The following FRMD3 variants were observed in gnomAD, a reference collection of about 807,000 sequenced individuals.
The protein encoded by FRMD3 is FERM domain-containing protein 3.
In FRMD3, 33 loss-of-function variants were observed where a neutral mutation model predicts 70.2. The observed-to-expected ratio is 0.47, with a 90% CI of 0.36 to 0.63. The LOEUF is 0.63. FRMD3 is among the 20% of genes least tolerant of loss of function. The pLI, the probability that FRMD3 is intolerant of heterozygous loss-of-function variation, is 0.00. For synonymous variants in FRMD3, 279 were observed against 255.9 expected (o/e 1.09, Z -0.86); for missense variants, 632 against 711.4 (o/e 0.89, Z 1.27).
chr9:83,273,119 C>T (rs1422315754), intron 13 of FRMD3, among the ~76,000 whole-genome samples: 1 of 152,178 alleles, frequency 6.6e-6, no homozygotes, highest in Non-Finnish European at 1.5e-5. Context: ...GCTGCCACCC[C>T]ATCTGGGAGG....
chr9:83,308,946 C>T (rs1239763896), intron 10 of FRMD3, among the ~76,000 whole-genome samples: 1 of 152,154 alleles, frequency 6.6e-6, no homozygotes, highest in African/African-American at 2.4e-5. Flanking sequence ...AAATAAATGG[C>T]GAATTGGTAG....
At chr9:83,452,343 C>T (rs1015771991) in intron 1 of FRMD3, among the ~76,000 whole-genome samples, 6 of 152,080 alleles carry the variant, frequency 3.9e-5, no homozygotes, top group Non-Finnish European at 5.9e-5. Context: ...TCCCTCAAAC[C>T]TTGTTACAAC....
At chr9:83,278,644 G>A (rs1833869115) in intron 13 of FRMD3, among the ~76,000 whole-genome samples, 1 of 152,162 alleles carries the variant, frequency 6.6e-6, no homozygotes, top group African/African-American at 2.4e-5. Context: ...ATGGCCCCAG[G>A]GGACATAAGA....
At chr9:83,470,157 G>A (rs1828234004) in intron 1 of FRMD3, among the ~76,000 whole-genome samples, 1 of 152,116 alleles carries the variant, frequency 6.6e-6, no homozygotes, top group African/African-American at 2.4e-5. Flanking sequence ...GAACACCTAA[G>A]CACCACAGCC....
At chr9:83,481,602 C>G (rs542337297) in intron 1 of FRMD3, among the ~76,000 whole-genome samples, 1 of 152,236 alleles carries the variant, frequency 6.6e-6, no homozygotes, top group South Asian at 2.1e-4. Flanking sequence ...TTTAAATTTT[C>G]TAAATGGTAC....
At chr9:83,299,484 G>C (rs914090694) in intron 10 of FRMD3, among the ~76,000 whole-genome samples, 11 of 152,140 alleles carry the variant, frequency 7.2e-5, no homozygotes, top group African/African-American at 2.4e-4. Flanking sequence ...AAAAGGACTG[G>C]GCAGTGATGA....
chr9:83,362,796 C>T (rs1392454668), intron 3 of FRMD3, among the ~76,000 whole-genome samples: 2 of 133,148 alleles, frequency 1.5e-5, no homozygotes, highest in African/African-American at 3.2e-5. Flanking sequence ...TCCCTCCTTC[C>T]TTCCTTTTTC....
At chr9:83,585,766 T>G in the FRMD3 span, among the ~76,000 whole-genome samples, 1 of 152,232 alleles carries the variant, frequency 6.6e-6, no homozygotes, top group East Asian at 1.9e-4. Context: ...CTATTGTTAT[T>G]TTTTGGTTTT....
At chr9:83,304,755 AGT>A in intron 10 of FRMD3, among the ~76,000 whole-genome samples, 1 of 152,350 alleles carries the variant, frequency 6.6e-6, no homozygotes, top group African/African-American at 2.4e-5. Context: ...CAATGCGTCC[AGT>A]GTGCTTTCAG....
intron 1 of FRMD3, among the ~76,000 whole-genome samples, chr9:83,391,084 T>A (rs1022356845): frequency 5.9e-5 from 9 of 152,128 alleles, no homozygotes; most frequent in African/African-American, 1.9e-4. Flanking sequence ...CTGCACTGAG[T>A]GAAGGACGGG....
chr9:83,541,114 T>C, upstream of FRMD3, among the ~76,000 whole-genome samples: 1 of 152,190 alleles, frequency 6.6e-6, no homozygotes, highest in East Asian at 1.9e-4. Flanking sequence ...GCAGTTACCT[T>C]GGAAAGGGAA....
At chr9:83,309,127 T>C (rs1319491858) in intron 10 of FRMD3, among the ~76,000 whole-genome samples, 1 of 152,108 alleles carries the variant, frequency 6.6e-6, no homozygotes, top group African/African-American at 2.4e-5. Flanking sequence ...CCCCTACTGG[T>C]ATGTCCATTG....
chr9:83,549,623 CTT>C, the FRMD3 span, among the ~76,000 whole-genome samples: 233 of 152,214 alleles, frequency 1.5e-3, no homozygotes, highest in Non-Finnish European at 2.7e-3. Context: ...TATTTTTTGA[CTT>C]TTTAATAATA....
At chr9:83,581,630 A>C in the FRMD3 span, among the ~76,000 whole-genome samples, 1 of 152,180 alleles carries the variant, frequency 6.6e-6, no homozygotes, top group Non-Finnish European at 1.5e-5. Context: ...CAAAAGCAAA[A>C]ATGTATGTCC....
intron 6 of FRMD3, among the ~76,000 whole-genome samples, chr9:83,320,358 A>T (rs778893184): frequency 2.6e-5 from 4 of 152,170 alleles, no homozygotes; most frequent in Non-Finnish European, 4.4e-5. Flanking sequence ...GGATTTTCTC[A>T]TGAAGAGATG....
chr9:83,452,750 A>G lies in FRMD3; in HGVS notation c.148-63042T>C, dbSNP rs1366258204. The stretch of plus-strand genomic sequence containing the variant: ...GCCCGTCTCGGCCTCCCAAAGTGCT[A>G]GGATTACAGGCGTGAGCCACCACGC... On this transcript the variant is annotated intron_variant, in intron 1 of 13. Coordinates refer to ENST00000304195, the MANE Select transcript of FRMD3 (RefSeq NM_174938.6). Among the ~76,000 whole-genome samples, 4 of 151,224 alleles carry G rather than the reference A, an allele frequency of 2.6e-5. 1 individual carries two copies. The highest frequency in any genetic ancestry group is 4.2e-4 in the South Asian group (2 of 4,780).
At chr9:83,341,855 A>G (rs1489240265) in intron 5 of FRMD3, among the ~76,000 whole-genome samples, 1 of 152,130 alleles carries the variant, frequency 6.6e-6, no homozygotes, top group Admixed American at 6.5e-5. Context: ...CAAAGGAACT[A>G]TTTCACAGCA....
At chr9:83,416,492 A>C (rs1424114128) in intron 1 of FRMD3, among the ~76,000 whole-genome samples, 1 of 152,234 alleles carries the variant, frequency 6.6e-6, no homozygotes, top group Non-Finnish European at 1.5e-5. Flanking sequence ...CCACTAGAAC[A>C]AAGACTCATG....
intron 13 of FRMD3, among the ~76,000 whole-genome samples, chr9:83,268,296 A>C (rs553278935): frequency 6.6e-6 from 1 of 152,254 alleles, no homozygotes; most frequent in African/African-American, 2.4e-5. Context: ...GTTATGCATC[A>C]ATATAAAATT....
Sources: gnomAD v4.1 joint callset for allele counts (sites outside exome capture counted in the v4.1 genomes callset) on GRCh38, gnomAD v4.1.1 for gene constraint, MANE v1.5 for transcripts, NCBI Gene and HGNC (gene_info 2026-07-23, HGNC 2026-07-21) for gene names.